The following CS variants were observed in gnomAD, a reference collection of about 807,000 sequenced individuals.
CS encodes citrate synthase.
Under a neutral mutation model 61.4 loss-of-function variants are expected in CS, and 13 were observed. That is an observed-to-expected ratio of 0.21 (90% CI 0.14 to 0.34). The LOEUF (loss-of-function observed/expected upper bound fraction) is 0.34. Ranked by LOEUF, CS falls within the 10% of genes least tolerant of loss-of-function variation. CS has a pLI of 1.00. For synonymous variants in CS, 159 were observed against 215.2 expected (o/e 0.74, Z 2.29); for missense variants, 278 against 573.4 (o/e 0.48, Z 5.26).
intron 6 of CS, among the ~76,000 whole-genome samples, chr12:56,278,030 T>A (rs187679485): frequency 1.3e-5 from 2 of 152,342 alleles, no homozygotes; most frequent in East Asian, 3.9e-4. Flanking sequence ...AGGTAACATA[T>A]ACCTCTTTTT....
chr12:56,287,940 A>C (rs981471144), intron 1 of CS, among the ~76,000 whole-genome samples: 1 of 152,108 alleles, frequency 6.6e-6, no homozygotes, highest in African/African-American at 2.4e-5. Context: ...TTACAGGCGT[A>C]AGCCACCATG....
At chr12:56,274,505 T>A (rs758596935) in intron 9 of CS, 3 of 301,826 alleles carry the variant, frequency 9.9e-6, no homozygotes, top group Non-Finnish European at 1.8e-5. Flanking sequence ...CTGGCTGGAG[T>A]GTAGTGGCTA....
intron 3 of CS, among the ~76,000 whole-genome samples, chr12:56,284,234 G>A (rs1214735090): frequency 3.4e-5 from 5 of 145,686 alleles, no homozygotes; most frequent in Non-Finnish European, 5.9e-5. Flanking sequence ...CAGGAGAATC[G>A]CTTGAACCCA....
rs201683368 is a variant in CS, at chr12:56,273,743, G to A, written c.1074C>T (p.Thr358=). The change falls in exon 10 of 11, where the codon ACC becomes ACT. Residue 358 remains threonine (T), a synonymous_variant. Coordinates refer to ENST00000351328, the MANE Select transcript of CS (RefSeq NM_004077.3). The part of the protein sequence containing the change: ...AVLRKTDPRY[T]CQREFALKHL... ...GTTTCAGAGCAAACTCTCGCTGACA[G>A]GTATATCGCGGATCAGTCTTCCTTA... 3.3e-5 allele frequency: 54 copies of A among 1,614,170 alleles called. No homozygotes were observed. In the East Asian group the frequency reaches 1.2e-3, roughly 35 times the overall value.
rs910514841 is a variant in CS, at chr12:56,273,911, G to A, written c.1021-115C>T. 8.0e-6 allele frequency: 7 copies of A among 871,228 alleles called. No homozygotes were observed. The African/African-American group carries it at 1.2e-4, about 14-fold the overall frequency. The allele number at this position is 871,228 out of a possible 1,614,324, so 54.0% of individuals were successfully genotyped here. On this transcript the variant is annotated intron_variant, in intron 9 of 10. Coordinates refer to ENST00000351328, the MANE Select transcript of CS (RefSeq NM_004077.3). ...TGCAGTGGCATGATCACATCTCACG[G>A]CAGCCTCGACCTCCCAGGCTCAGGC...
chr12:56,272,808 C>T lies in CS; in HGVS notation c.*276G>A. On this transcript the variant is annotated 3_prime_UTR_variant, in exon 11 of 11. Coordinates refer to ENST00000351328, the MANE Select transcript of CS (RefSeq NM_004077.3). ...TCTCACTCTAGAGATAGTGAGGGGG[C>T]CAAACCTACTCATACCACATGCATT... 1 of 267,576 alleles carries T rather than the reference C, an allele frequency of 3.7e-6. No homozygotes were observed. The allele number at this position is 267,576 out of a possible 1,614,324, so 16.6% of individuals were successfully genotyped here. A position where few individuals can be genotyped will look rare whatever the true frequency, so the allele number is the denominator to read the frequency against.
intron 7 of CS, 184 bp downstream of exon 7, chr12:56,275,812 T>C: frequency 1.6e-6 from 1 of 610,740 alleles, no homozygotes; most frequent in East Asian, 2.8e-5. Context: ...TTACAGTAAT[T>C]TCTTTAGGCC....
intron 1 of CS, among the ~76,000 whole-genome samples, chr12:56,297,396 C>T (rs1170145638): frequency 6.6e-6 from 1 of 152,170 alleles, no homozygotes; most frequent in Non-Finnish European, 1.5e-5. Flanking sequence ...TAGCTTCTAA[C>T]TCAGGTGTTT....
At chr12:56,289,055 A>G (rs1344395017) in intron 1 of CS, among the ~76,000 whole-genome samples, 1 of 152,158 alleles carries the variant, frequency 6.6e-6, no homozygotes, top group Non-Finnish European at 1.5e-5. Flanking sequence ...GAACACCTCA[A>G]CTTGTTACCA....
At chr12:56,279,765 C>CA (rs1395153541) in intron 6 of CS, among the ~76,000 whole-genome samples, 1,673 of 134,942 alleles carry the variant, frequency 0.012, 27 homozygotes, top group African/African-American at 0.033. Flanking sequence ...GACTCCATCT[C>CA]AAAAAAAAAA....
At chr12:56,278,466 C>T (rs539827314) in intron 6 of CS, among the ~76,000 whole-genome samples, 4 of 152,070 alleles carry the variant, frequency 2.6e-5, no homozygotes, top group East Asian at 2.0e-4. Context: ...AGGCCAAGCA[C>T]GGTGGCTCAC....
chr12:56,299,890 A>C (rs1873426558), intron 1 of CS: 2 of 407,742 alleles, frequency 4.9e-6, no homozygotes, highest in Non-Finnish European at 8.9e-6. Context: ...CTTTCATTTC[A>C]GACATGCGGG....
At chr12:56,296,537 T>C (rs1035735047) in intron 1 of CS, among the ~76,000 whole-genome samples, 9 of 152,332 alleles carry the variant, frequency 5.9e-5, no homozygotes, top group Non-Finnish European at 1.2e-4. Flanking sequence ...GATCTATTGC[T>C]ACAGTTGCCT....
intron 1 of CS, chr12:56,291,353 C>CTTTTT: frequency 1.5e-6 from 1 of 688,150 alleles, no homozygotes; most frequent in Non-Finnish European, 1.8e-6. Context: ...TTCTTTCTTT[C>CTTTTT]TTTTTTTTTT....
At chr12:56,296,517 T>C (rs1660340188) in intron 1 of CS, among the ~76,000 whole-genome samples, 1 of 152,172 alleles carries the variant, frequency 6.6e-6, no homozygotes. Flanking sequence ...GATAATCAGA[T>C]GCTAAGAAAG....
At chr12:56,297,647 T>C (rs1393003007) in intron 1 of CS, among the ~76,000 whole-genome samples, 1 of 152,074 alleles carries the variant, frequency 6.6e-6, no homozygotes, top group African/African-American at 2.4e-5. Flanking sequence ...GAGGTTACAG[T>C]GAGCGGAGAT....
chr12:56,293,366 T>C (rs1026773590), intron 1 of CS, among the ~76,000 whole-genome samples: 1 of 152,150 alleles, frequency 6.6e-6, no homozygotes, highest in African/African-American at 2.4e-5. Context: ...ATGCCTATAA[T>C]CCCAGCATTT....
At chr12:56,278,914 C>T (rs1226922115) in intron 6 of CS, among the ~76,000 whole-genome samples, 1 of 152,008 alleles carries the variant, frequency 6.6e-6, no homozygotes, top group Non-Finnish European at 1.5e-5. Flanking sequence ...GTTGGGATTA[C>T]AGGTGTGCAC....
chr12:56,295,226 T>A (rs1023094276), intron 1 of CS, among the ~76,000 whole-genome samples: 13 of 152,000 alleles, frequency 8.6e-5, no homozygotes, highest in African/African-American at 1.2e-4. Context: ...CATGCCTAGC[T>A]AATAAATATT....
Sources: gnomAD v4.1 joint callset for allele counts (sites outside exome capture counted in the v4.1 genomes callset) on GRCh38, gnomAD v4.1.1 for gene constraint, MANE v1.5 for transcripts, NCBI Gene and HGNC (gene_info 2026-07-23, HGNC 2026-07-21) for gene names.